CNTN5: variants seen among roughly 807,000 people sequenced by gnomAD.
The protein encoded by CNTN5 is contactin 5.
CNTN5 carries 77 observed loss-of-function variants against 129.1 expected under a neutral mutation model. The observed-to-expected ratio is 0.60, with a 90% CI of 0.50 to 0.72. The LOEUF (loss-of-function observed/expected upper bound fraction) is 0.72, where lower values mean the gene tolerates loss of function less well. Among genes scored for constraint, CNTN5 ranks in the 30% least tolerant of loss-of-function variants. The probability of loss-of-function intolerance (pLI) is 0.00; values close to 1 mark genes in which losing one functional copy is unlikely to be tolerated. For synonymous variants in CNTN5, 509 were observed against 465.6 expected, an observed-to-expected ratio of 1.09 and a Z score of -1.20; for missense variants, 1,478 against 1,328.8, an observed-to-expected ratio of 1.11 and a Z score of -1.75.
chr11:100,100,145 T>C (rs151284983), intron 13 of CNTN5, among the ~76,000 whole-genome samples: 2 of 152,266 alleles, frequency 1.3e-5, no homozygotes, highest in East Asian at 3.9e-4. Flanking sequence ...CAAAGCTAAA[T>C]GATTAGTTTC....
At chr11:100,263,996 C>G (rs541013448) in intron 17 of CNTN5, among the ~76,000 whole-genome samples, 1 of 152,250 alleles carries the variant, frequency 6.6e-6, no homozygotes, top group Admixed American at 6.5e-5. Context: ...TCGCTAGTTA[C>G]ACTTATGTTC....
intron 2 of CNTN5, among the ~76,000 whole-genome samples, chr11:99,396,646 A>G (rs776775660): frequency 6.6e-6 from 1 of 151,700 alleles, no homozygotes; most frequent in Non-Finnish European, 1.5e-5. Flanking sequence ...TTCTGAAAAT[A>G]TTTTTATTAT....
At chr11:99,243,593 A>G (rs1471827680) in intron 1 of CNTN5, among the ~76,000 whole-genome samples, 2 of 152,052 alleles carry the variant, frequency 1.3e-5, no homozygotes, top group South Asian at 2.1e-4. Context: ...GTATAGTTTT[A>G]GGTCTTACAC....
intron 13 of CNTN5, among the ~76,000 whole-genome samples, chr11:100,145,232 A>T (rs115154424): frequency 0.018 from 2,811 of 152,226 alleles, 73 homozygotes; most frequent in African/African-American, 0.065. Flanking sequence ...ATAAAATGAC[A>T]TTTAACACCA....
chr11:99,480,241 C>T (rs1473935803), intron 2 of CNTN5, among the ~76,000 whole-genome samples: 2 of 152,146 alleles, frequency 1.3e-5, no homozygotes, highest in Admixed American at 1.3e-4. Flanking sequence ...TTATTATCTT[C>T]TCCATGCCTT....
chr11:99,276,719 TA>T (rs1321442429), intron 1 of CNTN5, among the ~76,000 whole-genome samples: 3 of 151,488 alleles, frequency 2.0e-5, no homozygotes, highest in Non-Finnish European at 4.4e-5. Context: ...TATTTGAGTG[TA>T]TTTTTTTATA....
intron 8 of CNTN5, among the ~76,000 whole-genome samples, chr11:99,966,182 C>T (rs1565732139): frequency 6.6e-6 from 1 of 152,226 alleles, no homozygotes; most frequent in East Asian, 1.9e-4. Context: ...AAATGTAGAC[C>T]TTTCTAAAAA....
At chr11:100,026,254 T>G (rs1472931130) in intron 9 of CNTN5, among the ~76,000 whole-genome samples, 1 of 151,914 alleles carries the variant, frequency 6.6e-6, no homozygotes, top group Non-Finnish European at 1.5e-5. Flanking sequence ...TGACGCCTGG[T>G]GAAGAAGATG....
chr11:99,432,299 A>G, intron 2 of CNTN5, among the ~76,000 whole-genome samples: 1 of 152,138 alleles, frequency 6.6e-6, no homozygotes, highest in East Asian at 1.9e-4. Context: ...CAATTAAGAG[A>G]TATAAATTGA....
intron 3 of CNTN5, among the ~76,000 whole-genome samples, chr11:99,729,769 A>C (rs1354796971): frequency 2.0e-5 from 3 of 152,168 alleles, no homozygotes; most frequent in Non-Finnish European, 2.9e-5. Flanking sequence ...TGGAGCTGGA[A>C]GCCATTATCC....
chr11:100,337,039 G>A, intron 21 of CNTN5: 2 of 946,630 alleles, frequency 2.1e-6, no homozygotes, highest in Non-Finnish European at 1.7e-6. Flanking sequence ...GATTGATGAA[G>A]TGTTCAAAAT....
intron 16 of CNTN5, among the ~76,000 whole-genome samples, chr11:100,252,467 C>G (rs992577490): frequency 3.9e-5 from 6 of 152,012 alleles, no homozygotes; most frequent in Admixed American, 2.0e-4. Flanking sequence ...CTTTTGAGAT[C>G]TTATTCATAA....
intron 9 of CNTN5, among the ~76,000 whole-genome samples, chr11:100,005,584 T>C (rs150314465): frequency 2.6e-4 from 40 of 152,288 alleles, no homozygotes; most frequent in African/African-American, 9.4e-4. Flanking sequence ...ACTGAAACTT[T>C]ATTTTTATTT....
At chr11:100,235,400 A>G (rs749431478) in intron 16 of CNTN5, among the ~76,000 whole-genome samples, 1 of 152,172 alleles carries the variant, frequency 6.6e-6, no homozygotes, top group South Asian at 2.1e-4. Context: ...GCATAGCTTC[A>G]GGGAGAATAG....
chr11:99,672,564 C>T (rs1042756263), intron 3 of CNTN5, among the ~76,000 whole-genome samples: 2 of 151,180 alleles, frequency 1.3e-5, no homozygotes, highest in Non-Finnish European at 2.9e-5. Context: ...TCTGCACGAG[C>T]AAGAGGATGT....
At chr11:99,876,170 C>T (rs906444544) in intron 6 of CNTN5, among the ~76,000 whole-genome samples, 2 of 152,080 alleles carry the variant, frequency 1.3e-5, no homozygotes, top group Non-Finnish European at 2.9e-5. Context: ...TATCCCTATG[C>T]CATGCGACCA....
chr11:99,469,989 T>C (rs1307739788), intron 2 of CNTN5, among the ~76,000 whole-genome samples: 1 of 152,106 alleles, frequency 6.6e-6, no homozygotes, highest in African/African-American at 2.4e-5. Flanking sequence ...ATTCATTTAG[T>C]AGAAGAAGAA....
intron 13 of CNTN5, among the ~76,000 whole-genome samples, chr11:100,182,912 A>G (rs556520260): frequency 8.3e-4 from 127 of 152,178 alleles, no homozygotes; most frequent in Non-Finnish European, 1.6e-3. Flanking sequence ...TGTAAAAAAA[A>G]AACTCTAAAT....
At chr11:99,449,389 A>G (rs1015578564) in intron 2 of CNTN5, among the ~76,000 whole-genome samples, 4 of 152,202 alleles carry the variant, frequency 2.6e-5, no homozygotes, top group African/African-American at 9.6e-5. Context: ...TGAAAATGTT[A>G]AAGAACTTTA....
Sources: gnomAD v4.1 joint callset for allele counts (sites outside exome capture counted in the v4.1 genomes callset) on GRCh38, gnomAD v4.1.1 for gene constraint, MANE v1.5 for transcripts, NCBI Gene and HGNC (gene_info 2026-07-23, HGNC 2026-07-21) for gene names.